The following SULF1 variants were observed in gnomAD, a reference collection of about 807,000 sequenced individuals.
SULF1 encodes the protein sulfatase 1.
SULF1 carries 46 observed loss-of-function variants against 110.5 expected under a neutral mutation model. That is an observed-to-expected ratio of 0.42 (90% CI 0.33 to 0.53). The LOEUF (loss-of-function observed/expected upper bound fraction) is 0.53, where lower values mean the gene tolerates loss of function less well. Among genes scored for constraint, SULF1 ranks in the 20% least tolerant of loss-of-function variants. The pLI is 0.12. For missense variants in SULF1, 941 were observed against 1,094.2 expected (o/e 0.86, Z 1.98); for synonymous variants, 371 against 387.1 (o/e 0.96, Z 0.49).
chr8:69,645,054 G>A (rs1390239043), intron 22 of SULF1, among the ~76,000 whole-genome samples: 2 of 152,212 alleles, frequency 1.3e-5, no homozygotes, highest in African/African-American at 2.4e-5. Flanking sequence ...AAGGTGTTGA[G>A]GACACTTGGG....
At chr8:69,606,160 C>T (rs981581483) in intron 13 of SULF1, among the ~76,000 whole-genome samples, 14 of 152,274 alleles carry the variant, frequency 9.2e-5, no homozygotes, top group African/African-American at 3.4e-4. Context: ...TCCTAATAAA[C>T]AACTTGATCC....
Position 69,506,142 on chromosome 8 carries a change from T to C in SULF1, c.-134+4174T>C, listed in dbSNP as rs1207807471. Reference sequence around the variant, plus strand: ...TACAATTTCTGCATTGTCTTTTTAGTTCTTTTAAATTTGTGCATTGTGTTC... The same window carrying C: ...TACAATTTCTGCATTGTCTTTTTAGCTCTTTTAAATTTGTGCATTGTGTTC... On this transcript the variant is annotated intron_variant, in intron 3 of 22. Transcript: ENST00000402687. Among the ~76,000 whole-genome samples, 5 of 152,282 alleles carry C rather than the reference T, an allele frequency of 3.3e-5. No individual in the cohort carries two copies. In the East Asian group the frequency reaches 9.6e-4, roughly 29 times the overall value.
intron 5 of SULF1, among the ~76,000 whole-genome samples, chr8:69,567,760 C>T (rs1816003653): frequency 6.6e-6 from 1 of 152,076 alleles, no homozygotes; most frequent in Non-Finnish European, 1.5e-5. Flanking sequence ...GAGTTGCTTC[C>T]TCCTTTTCCC....
chr8:69,647,334 A>G (rs1563629743), intron 22 of SULF1, among the ~76,000 whole-genome samples: 1 of 152,164 alleles, frequency 6.6e-6, no homozygotes, highest in African/African-American at 2.4e-5. Context: ...TAAAGAGGAA[A>G]AGTTATGTGC....
chr8:69,597,257 A>C (rs981305015), intron 8 of SULF1: 3 of 152,208 alleles, frequency 2.0e-5, no homozygotes, highest in African/African-American at 7.2e-5. Context: ...CCTTTGGCAA[A>C]AGATCACTTT....
chr8:69,564,176 T>A, intron 5 of SULF1, 29 bp downstream of exon 5: 1 of 1,608,124 alleles, frequency 6.2e-7, no homozygotes, highest in Non-Finnish European at 8.5e-7. Flanking sequence ...CACTTGTTAG[T>A]CTCTTTTGTT....
Position 69,495,786 on chromosome 8 carries a change from C to T in SULF1, c.-369C>T, listed in dbSNP as rs1446409816. The T allele has an allele frequency of 6.6e-6, 1 of 152,200 alleles. No individual in the cohort carries two copies. Among genetic ancestry groups the T allele is most frequent in the African/African-American group, 2.4e-5 (1 of 41,440 alleles). The allele number at this position is 152,200 out of a possible 1,614,324, so 9.4% of individuals were successfully genotyped here. ...ACAGGGATTCTTCACTTCTCTTGAA[C>T]AAGGAACTCACTCAGAGACTAACAC... On this transcript the variant is annotated 5_prime_UTR_variant, in exon 2 of 23. Transcript: ENST00000402687.
chr8:69,652,447 T>C (rs1274934082), intron 22 of SULF1, among the ~76,000 whole-genome samples: 1 of 152,262 alleles, frequency 6.6e-6, no homozygotes, highest in African/African-American at 2.4e-5. Flanking sequence ...ATTAGTATTC[T>C]CTTTTCATTG....
intron 3 of SULF1, among the ~76,000 whole-genome samples, chr8:69,549,216 A>G (rs956465763): frequency 6.6e-6 from 1 of 152,224 alleles, no homozygotes; most frequent in Non-Finnish European, 1.5e-5. Flanking sequence ...TGCCCCCTCC[A>G]TGAAACAGCA....
chr8:69,651,076 CAG>C (rs1169820462), intron 22 of SULF1, among the ~76,000 whole-genome samples: 5 of 122,732 alleles, frequency 4.1e-5, no homozygotes, highest in African/African-American at 6.9e-5. Context: ...TTTTTTGAGA[CAG>C]AGTTTTGCTC....
chr8:69,482,554 T>C (rs1044679275), intron 1 of SULF1, among the ~76,000 whole-genome samples: 2 of 151,756 alleles, frequency 1.3e-5, no homozygotes, highest in African/African-American at 2.4e-5. Context: ...AATATATATA[T>C]ATATAATTTT....
intron 3 of SULF1, among the ~76,000 whole-genome samples, chr8:69,533,891 A>G (rs1563505829): frequency 6.6e-6 from 1 of 152,222 alleles, no homozygotes; most frequent in Non-Finnish European, 1.5e-5. Flanking sequence ...AGACTTGTAG[A>G]GAATAGCCTA....
chr8:69,545,309 G>A (rs1814177431), intron 3 of SULF1, among the ~76,000 whole-genome samples: 1 of 152,106 alleles, frequency 6.6e-6, no homozygotes, highest in Non-Finnish European at 1.5e-5. Context: ...TGACGTTAAA[G>A]GCCGTGTTGT....
At chr8:69,623,142 G>A (rs1444931318) in intron 14 of SULF1, among the ~76,000 whole-genome samples, 1 of 40,370 alleles carries the variant, frequency 2.5e-5, no homozygotes, top group African/African-American at 9.4e-5. Context: ...ATCCCTGCCC[G>A]CCCACCCCTT....
intron 21 of SULF1, among the ~76,000 whole-genome samples, chr8:69,639,393 A>C (rs1407469983): frequency 6.6e-6 from 1 of 152,196 alleles, no homozygotes; most frequent in East Asian, 1.9e-4. Context: ...TGGGATCTAA[A>C]AATATAAGAG....
intron 3 of SULF1, among the ~76,000 whole-genome samples, chr8:69,534,799 T>G (rs1362127882): frequency 6.6e-6 from 1 of 152,030 alleles, no homozygotes; most frequent in Non-Finnish European, 1.5e-5. Context: ...ACTGACGTCA[T>G]ACATATTTTA....
intron 9 of SULF1, 45 bp from the exon 10 acceptor site, chr8:69,601,609 A>C (rs369652802): frequency 1.2e-5 from 19 of 1,532,226 alleles, no homozygotes; most frequent in Non-Finnish European, 1.7e-5. Flanking sequence ...GCATCATCTT[A>C]TACCAGCACA....
At chr8:69,503,768 T>C (rs891210716) in intron 3 of SULF1, among the ~76,000 whole-genome samples, 1 of 152,126 alleles carries the variant, frequency 6.6e-6, no homozygotes, top group Non-Finnish European at 1.5e-5. Context: ...GTTTCTCTTA[T>C]GCTATGAAGA....
chr8:69,597,261 T>C (rs1209617650), intron 8 of SULF1: 2 of 152,210 alleles, frequency 1.3e-5, no homozygotes, highest in Non-Finnish European at 2.9e-5. Flanking sequence ...TGGCAAAAGA[T>C]CACTTTTCAA....
Sources: gnomAD v4.1 joint callset for allele counts (sites outside exome capture counted in the v4.1 genomes callset) on GRCh38, gnomAD v4.1.1 for gene constraint, MANE v1.5 for transcripts, NCBI Gene and HGNC (gene_info 2026-07-23, HGNC 2026-07-21) for gene names.